The following SNTG2 variants were observed in gnomAD, a reference collection of about 807,000 sequenced individuals.
SNTG2 encodes syntrophin gamma 2.
SNTG2 carries 74 observed loss-of-function variants against 70.9 expected under a neutral mutation model. That is an observed-to-expected ratio of 1.04 (90% CI 0.86 to 1.27). The LOEUF (loss-of-function observed/expected upper bound fraction) is 1.27. Ranked by LOEUF, SNTG2 falls within the 50% of genes most tolerant of loss-of-function variation. The pLI is 0.00. For synonymous variants in SNTG2, 278 were observed against 273.8 expected (o/e 1.02, Z -0.15); for missense variants, 717 against 690.7 (o/e 1.04, Z -0.43).
At chr2:968,543 A>T (rs1660640431) in intron 1 of SNTG2, among the ~76,000 whole-genome samples, 1 of 151,342 alleles carries the variant, frequency 6.6e-6, no homozygotes, top group Non-Finnish European at 1.5e-5. Flanking sequence ...GTTTTTCCTG[A>T]TTCTTAAGGT....
chr2:1,122,827 G>GA (rs1667461762), intron 4 of SNTG2, among the ~76,000 whole-genome samples: 1 of 150,762 alleles, frequency 6.6e-6, no homozygotes, highest in Non-Finnish European at 1.5e-5. Context: ...AGATTCCACA[G>GA]AAAAACTGTT....
At chr2:1,277,703 G>C (rs1357183119) in intron 14 of SNTG2, among the ~76,000 whole-genome samples, 2 of 152,218 alleles carry the variant, frequency 1.3e-5, no homozygotes, top group African/African-American at 4.8e-5. Flanking sequence ...AACCATAGCA[G>C]GGAGTCAGGC....
intron 1 of SNTG2, among the ~76,000 whole-genome samples, chr2:1,065,202 G>T (rs1663072480): frequency 6.6e-6 from 1 of 152,122 alleles, no homozygotes; most frequent in African/African-American, 2.4e-5. Context: ...CCTGCCCACT[G>T]ACTTACCAGG....
chr2:1,253,120 C>A (rs963441233), intron 12 of SNTG2, among the ~76,000 whole-genome samples: 6 of 152,024 alleles, frequency 3.9e-5, no homozygotes, highest in African/African-American at 1.4e-4. Flanking sequence ...ATGCTGGTTC[C>A]CCATCCCTGC....
intron 14 of SNTG2, among the ~76,000 whole-genome samples, chr2:1,273,599 G>A (rs1001083766): frequency 5.3e-5 from 8 of 149,696 alleles, no homozygotes; most frequent in African/African-American, 2.0e-4. Context: ...GCCTATATAC[G>A]AAAAAAAGAA....
intron 9 of SNTG2, among the ~76,000 whole-genome samples, chr2:1,217,186 T>C (rs1674450897): frequency 6.6e-6 from 1 of 152,218 alleles, no homozygotes; most frequent in Admixed American, 6.5e-5. Flanking sequence ...TTTAAATATG[T>C]ATTTATATGA....
At chr2:1,255,885 AATATATAT>A (rs1305282798) in intron 12 of SNTG2, among the ~76,000 whole-genome samples, 36,706 of 91,496 alleles carry the variant, frequency 0.4, 6,522 homozygotes, top group Middle Eastern at 0.53. Flanking sequence ...TATATATATA[AATATATAT>A]AAATATATAT....
intron 1 of SNTG2, among the ~76,000 whole-genome samples, chr2:1,010,205 G>A (rs1437925325): frequency 6.6e-6 from 1 of 152,072 alleles, no homozygotes; most frequent in Non-Finnish European, 1.5e-5. Flanking sequence ...AGCACTTAGG[G>A]GCTCACTAAA....
At chr2:1,145,508 A>G (rs1669041973) in intron 6 of SNTG2, among the ~76,000 whole-genome samples, 1 of 152,214 alleles carries the variant, frequency 6.6e-6, no homozygotes. Context: ...AACTTACACA[A>G]TAAAATGCAG....
rs542046332 is a variant in SNTG2, at chr2:1,054,836, G to A, written c.73-28682G>A. ...AATGAAGAAAGTAAAACAGAATAAT[G>A]TAATTGTAATTAGGGTCTACTATTA... On this transcript the variant is annotated intron_variant, in intron 1 of 16. Transcript: ENST00000308624. 9.2e-5 allele frequency among the ~76,000 whole-genome samples: 14 copies of A among 152,298 alleles called. No individual in the cohort carries two copies. In the East Asian group the frequency reaches 2.5e-3, roughly 27 times the overall value.
chr2:1,001,113 A>G (rs1659380783), intron 1 of SNTG2, among the ~76,000 whole-genome samples: 1 of 152,018 alleles, frequency 6.6e-6, no homozygotes, highest in African/African-American at 2.4e-5. Context: ...TTGAAGGAAC[A>G]TACATAAAAA....
chr2:1,366,123 A>C (rs1248841402), intron 16 of SNTG2, among the ~76,000 whole-genome samples: 1 of 152,212 alleles, frequency 6.6e-6, no homozygotes, highest in African/African-American at 2.4e-5. Flanking sequence ...AATATGCTAG[A>C]ATTTTGGTGA....
intron 1 of SNTG2, among the ~76,000 whole-genome samples, chr2:1,058,732 G>C (rs1662622096): frequency 6.6e-6 from 1 of 152,214 alleles, no homozygotes; most frequent in Admixed American, 6.5e-5. Context: ...GCCTGTCTTT[G>C]TAGAGGCTCA....
At chr2:1,083,995 C>T (rs904971291) in intron 2 of SNTG2, among the ~76,000 whole-genome samples, 4 of 151,518 alleles carry the variant, frequency 2.6e-5, no homozygotes, top group South Asian at 2.1e-4. Context: ...GAGCCAAGAT[C>T]GCACCACTGC....
intron 1 of SNTG2, among the ~76,000 whole-genome samples, chr2:967,681 C>G (rs982617043): frequency 6.6e-6 from 1 of 152,110 alleles, no homozygotes; most frequent in Admixed American, 6.5e-5. Context: ...GTGCCTTTGC[C>G]TGTTTTGGCG....
intron 8 of SNTG2, among the ~76,000 whole-genome samples, chr2:1,180,862 T>G (rs1385252993): frequency 6.6e-6 from 1 of 152,008 alleles, no homozygotes; most frequent in Non-Finnish European, 1.5e-5. Flanking sequence ...ATGTGGCACA[T>G]ATGCACCATG....
rs560164094 is a variant in SNTG2 at position 985,630 on chromosome 2, A to G, written c.72+34562A>G. 2.6e-5 allele frequency among the ~76,000 whole-genome samples: 4 copies of G among 152,056 alleles called. No individual in the cohort carries two copies. In the South Asian group the frequency reaches 8.4e-4, roughly 32 times the overall value. Reference sequence around the variant, plus strand: ...GAGAGAAACAGATGCTGGTAAACTGATATCTCAGGCCTTCAGTCAGAAATC... The same window carrying G: ...GAGAGAAACAGATGCTGGTAAACTGGTATCTCAGGCCTTCAGTCAGAAATC... On this transcript the variant is annotated intron_variant, in intron 1 of 16. Coordinates refer to ENST00000308624, the MANE Select transcript of SNTG2 (RefSeq NM_018968.4).
chr2:987,556 T>C (rs1406100754), intron 1 of SNTG2, among the ~76,000 whole-genome samples: 2 of 152,048 alleles, frequency 1.3e-5, no homozygotes, highest in African/African-American at 2.4e-5. Flanking sequence ...CCAGCGTCTC[T>C]AGCGGCTGGA....
chr2:965,643 G>A (rs533964786), intron 1 of SNTG2, among the ~76,000 whole-genome samples: 6 of 152,028 alleles, frequency 3.9e-5, no homozygotes, highest in East Asian at 2.0e-4. Flanking sequence ...CCCTCGGCTC[G>A]GGGGCTGCTG....
Sources: gnomAD v4.1 joint callset for allele counts (sites outside exome capture counted in the v4.1 genomes callset) on GRCh38, gnomAD v4.1.1 for gene constraint, MANE v1.5 for transcripts, NCBI Gene and HGNC (gene_info 2026-07-23, HGNC 2026-07-21) for gene names.